Variants in TAF1B observed in about 807,000 individuals in gnomAD.
TAF1B encodes the protein TATA box-binding protein-associated factor RNA polymerase I subunit B.
TAF1B carries 61 observed loss-of-function variants against 83.9 expected under a neutral mutation model. The ratio of observed to expected loss-of-function variants is 0.73; its 90% CI spans 0.59 to 0.90. The LOEUF (loss-of-function observed/expected upper bound fraction) is 0.90, where lower values mean the gene tolerates loss of function less well. Ranked by LOEUF, TAF1B falls within the 40% of genes least tolerant of loss-of-function variation. The pLI, the probability that TAF1B is intolerant of heterozygous loss-of-function variation, is 0.00. For synonymous variants in TAF1B, 221 were observed against 224.6 expected (o/e 0.98, Z 0.14); for missense variants, 625 against 677.0 (o/e 0.92, Z 0.85).
chr2:9,869,285 T>C (rs1225451923), intron 6 of TAF1B, among the ~76,000 whole-genome samples: 1 of 151,992 alleles, frequency 6.6e-6, no homozygotes, highest in African/African-American at 2.4e-5. Context: ...AGTGCAGTGG[T>C]GCAATCTCGG....
chr2:9,924,345 C>T (rs1445992159), intron 14 of TAF1B, among the ~76,000 whole-genome samples: 1 of 152,164 alleles, frequency 6.6e-6, no homozygotes, highest in African/African-American at 2.4e-5. Context: ...TTCCAAACTC[C>T]TCATCATCAA....
rs546501972 is a variant in TAF1B, at chr2:9,882,247, A to G, written c.708-459A>G. Among the ~76,000 whole-genome samples, 3 of 152,066 alleles carry G rather than the reference A, an allele frequency of 2.0e-5. No individual in the cohort carries two copies. The South Asian group carries it at 6.2e-4, about 32-fold the overall frequency. Reference sequence around the variant, plus strand: ...TCCCGAGTAACTGGGACTACAGGCCAAGCCACCATGCCTAGCTAATTTTTG... The same window carrying G: ...TCCCGAGTAACTGGGACTACAGGCCGAGCCACCATGCCTAGCTAATTTTTG... On this transcript the variant is annotated intron_variant, in intron 7 of 14. Coordinates refer to ENST00000263663, the MANE Select transcript of TAF1B (RefSeq NM_005680.3).
intron 7 of TAF1B, among the ~76,000 whole-genome samples, chr2:9,877,469 A>G (rs958860223): frequency 6.6e-6 from 1 of 152,138 alleles, no homozygotes; most frequent in Non-Finnish European, 1.5e-5. Flanking sequence ...ACTCAGTTAT[A>G]TGTCCAAAAA....
intron 9 of TAF1B, among the ~76,000 whole-genome samples, chr2:9,909,823 A>G (rs1319405946): frequency 1.3e-5 from 2 of 152,228 alleles, no homozygotes; most frequent in African/African-American, 4.8e-5. Flanking sequence ...GTTGTATAAC[A>G]TGTCCACGGT....
chr2:9,861,427 G>C (rs1572222673), intron 5 of TAF1B, among the ~76,000 whole-genome samples: 1 of 152,270 alleles, frequency 6.6e-6, no homozygotes, highest in African/African-American at 2.4e-5. Flanking sequence ...CGAGGCTTGA[G>C]TAGGTAAACA....
At chr2:9,924,019 T>A (rs550155275) in intron 14 of TAF1B, among the ~76,000 whole-genome samples, 1 of 152,182 alleles carries the variant, frequency 6.6e-6, no homozygotes, top group Non-Finnish European at 1.5e-5. Context: ...TACTGCAGTA[T>A]AATGCAGTGA....
intron 12 of TAF1B, among the ~76,000 whole-genome samples, chr2:9,916,670 C>T (rs1307672993): frequency 2.6e-5 from 4 of 152,010 alleles, no homozygotes; most frequent in Admixed American, 6.6e-5. Context: ...TTTAAAGAAT[C>T]GCTAACTCAT....
Position 9,850,234 on chromosome 2 carries a change from T to TA in TAF1B, c.205+778dup, listed in dbSNP as rs1663343617. Among the ~76,000 whole-genome samples the TA allele has an allele frequency of 2.6e-5, 4 of 152,166 alleles. No individual in the cohort carries two copies. In the South Asian group the frequency reaches 8.3e-4, roughly 32 times the overall value. The stretch of plus-strand genomic sequence containing the variant: ...TTTTGCCTTGACCTACTTAAATAGT[T>TA]AAAATGTGTAGTTTAAACATGCATT... On this transcript the variant is annotated intron_variant, in intron 3 of 14. Transcript: ENST00000263663.
chr2:9,919,204 T>G, intron 13 of TAF1B, 93 bp downstream of exon 13: 1 of 1,075,402 alleles, frequency 9.3e-7, no homozygotes. Context: ...CTTAAGTTTT[T>G]TACTTTTTTT....
chr2:9,896,137 A>G (rs2280150), intron 8 of TAF1B, among the ~76,000 whole-genome samples: 27,358 of 152,084 alleles, frequency 0.18, 3,115 homozygotes, highest in East Asian at 0.31. Flanking sequence ...GAAGCCCTGT[A>G]TGTCACATTT....
intron 7 of TAF1B, 135 bp from the exon 8 acceptor site, chr2:9,882,571 C>T: frequency 1.9e-6 from 1 of 515,548 alleles, no homozygotes; most frequent in South Asian, 4.0e-5. Flanking sequence ...ATTTATTATC[C>T]TTAAAATCGT....
chr2:9,878,366 T>G (rs7599798), intron 7 of TAF1B, among the ~76,000 whole-genome samples: 110,557 of 151,964 alleles, frequency 0.73, 40,501 homozygotes, highest in East Asian at 0.94. Flanking sequence ...TGGGATTATG[T>G]CATGAGCCAC....
intron 5 of TAF1B, among the ~76,000 whole-genome samples, chr2:9,866,464 A>G (rs1309643026): frequency 3.3e-5 from 5 of 151,992 alleles, no homozygotes; most frequent in African/African-American, 1.2e-4. Flanking sequence ...GTGGAGAAAT[A>G]GGAACACTTT....
chr2:9,933,851 T>G lies in TAF1B; in HGVS notation c.1634T>G (p.Leu545Arg), dbSNP rs1384070914. 1 of 1,613,818 alleles carries G rather than the reference T, an allele frequency of 6.2e-7. No individual in the cohort carries two copies. Among genetic ancestry groups the G allele is most frequent in the African/African-American group, 1.3e-5 (1 of 74,910 alleles). ...YSLSYQFILN[L>R]FSFLLRIKTS... ...CTGAGTTATCAGTTTATACTAAATC[T>G]CTTCTCCTTCCTGCTCAGAATAAAG... Residue 545 changes from leucine (L) to arginine (R), a missense_variant, in exon 15 of 15, where the codon CTC becomes CGC. Transcript: ENST00000263663.
chr2:9,852,259 T>C (rs1379693835), intron 4 of TAF1B: 1 of 195,254 alleles, frequency 5.1e-6, no homozygotes, highest in Non-Finnish European at 1.1e-5. Context: ...TCTTTGACTT[T>C]GCTGCCTTCC....
At chr2:9,895,170 C>T (rs1235688094) in intron 8 of TAF1B, among the ~76,000 whole-genome samples, 2 of 152,204 alleles carry the variant, frequency 1.3e-5, no homozygotes, top group Admixed American at 1.3e-4. Context: ...ATGTGTTCAC[C>T]ACAAACTCCC....
chr2:9,893,979 A>G (rs1049716326), intron 8 of TAF1B, among the ~76,000 whole-genome samples: 2 of 152,232 alleles, frequency 1.3e-5, no homozygotes, highest in African/African-American at 4.8e-5. Context: ...TCAGAATTTT[A>G]AAGGCAGCTA....
At chr2:9,845,819 C>T in intron 2 of TAF1B, 1 of 276,586 alleles carries the variant, frequency 3.6e-6, no homozygotes, top group Non-Finnish European at 7.1e-6. Context: ...TCCGTCTCTA[C>T]TAAAAATACA....
At chr2:9,853,799 T>G (rs1663474927) in intron 4 of TAF1B, among the ~76,000 whole-genome samples, 1 of 152,200 alleles carries the variant, frequency 6.6e-6, no homozygotes, top group Non-Finnish European at 1.5e-5. Context: ...CACTTGGGAC[T>G]GGTTAGTAAA....
Sources: gnomAD v4.1 joint callset for allele counts (sites outside exome capture counted in the v4.1 genomes callset) on GRCh38, gnomAD v4.1.1 for gene constraint, MANE v1.5 for transcripts, NCBI Gene and HGNC (gene_info 2026-07-23, HGNC 2026-07-21) for gene names.